Variants in FHDC1 observed in about 807,000 individuals in gnomAD.
The protein encoded by FHDC1 is FH2 domain-containing protein 1.
Under a neutral mutation model 52.6 loss-of-function variants are expected in FHDC1, and 25 were observed. That is an observed-to-expected ratio of 0.48 (90% CI 0.35 to 0.66). FHDC1 has a LOEUF of 0.66. Ranked by LOEUF, FHDC1 falls within the 30% of genes least tolerant of loss-of-function variation. The pLI is 0.01. For missense variants in FHDC1, 1,459 were observed against 1,452.8 expected (o/e 1.00, Z -0.07); for synonymous variants, 616 against 581.5 (o/e 1.06, Z -0.85).
At chr4:152,940,278 G>A (rs77002666) in intron 1 of FHDC1, among the ~76,000 whole-genome samples, 6,011 of 152,340 alleles carry the variant, frequency 0.039, 183 homozygotes, top group Middle Eastern at 0.099. Context: ...GGGGGGCTAG[G>A]ATCCTTGTGT....
intron 1 of FHDC1, among the ~76,000 whole-genome samples, 181 bp downstream of exon 1, chr4:152,936,590 G>A (rs1239904068): frequency 6.6e-6 from 1 of 152,246 alleles, no homozygotes; most frequent in African/African-American, 2.4e-5. Context: ...CGGGAAAGCT[G>A]GAGAGGAGGT....
intron 9 of FHDC1, among the ~76,000 whole-genome samples, chr4:152,966,612 A>AC (rs1379519528): frequency 6.6e-6 from 1 of 152,074 alleles, no homozygotes; most frequent in African/African-American, 2.4e-5. Context: ...GGCACCCGCC[A>AC]CCATGCCCAG....
chr4:152,950,560 C>T (rs1026463188), intron 2 of FHDC1, among the ~76,000 whole-genome samples: 10 of 152,304 alleles, frequency 6.6e-5, no homozygotes, highest in East Asian at 5.8e-4. Flanking sequence ...GCTGTAGAGA[C>T]GCCTGCTTCT....
At chr4:152,962,940 G>GGGGTGT (rs377643778) in intron 7 of FHDC1, 56 bp downstream of exon 7, 26 of 936,380 alleles carry the variant, frequency 2.8e-5, no homozygotes, top group African/African-American at 3.5e-5. Flanking sequence ...TCTATCTAAA[G>GGGGTGT]GTGTGTGTGT....
upstream of FHDC1, among the ~76,000 whole-genome samples, chr4:152,934,616 G>C (rs1739316028): frequency 6.6e-6 from 1 of 152,206 alleles, no homozygotes; most frequent in Non-Finnish European, 1.5e-5. Flanking sequence ...TTTGAAATCA[G>C]AAGGTATTTC....
intron 2 of FHDC1, among the ~76,000 whole-genome samples, 180 bp from the exon 3 acceptor site, chr4:152,953,319 T>A (rs1739982932): frequency 6.6e-6 from 1 of 152,228 alleles, no homozygotes; most frequent in Non-Finnish European, 1.5e-5. Context: ...TTTGGGGAGA[T>A]GATAATCTTT....
intron 2 of FHDC1, among the ~76,000 whole-genome samples, chr4:152,946,058 G>A (rs1327641926): frequency 1.3e-5 from 2 of 152,192 alleles, no homozygotes; most frequent in African/African-American, 4.8e-5. Flanking sequence ...TGTAGCATGT[G>A]TCAGAATTTT....
In FHDC1 at chr4:152,976,024, C is replaced by T. The variant is rs2149963877; in HGVS notation, c.2733C>T (p.Ser911=). 3.2e-6 allele frequency: 5 copies of T among 1,559,652 alleles called. No homozygotes were observed. Among genetic ancestry groups the T allele is most frequent in the Non-Finnish European group, 4.3e-6 (5 of 1,157,172 alleles). Residue 911 remains serine, a synonymous_variant, in exon 12 of 12, where the codon TCC becomes TCT. Transcript: ENST00000511601. The stretch of plus-strand genomic sequence containing the variant: ...GCAAGGTCATGCCCATCACCAAGTC[C>T]AGCAGAGGCGCCGGCTGGAGGCGAC... ...SMRKVMPITK[S]SRGAGWRRPE...
the FHDC1 span, among the ~76,000 whole-genome samples, chr4:152,915,288 C>T: frequency 1.3e-5 from 2 of 152,074 alleles, no homozygotes; most frequent in Non-Finnish European, 2.9e-5. Flanking sequence ...AAGTTTTGTG[C>T]GTTTAGTAGA....
chr4:152,928,391 G>C, the FHDC1 span, among the ~76,000 whole-genome samples: 2 of 152,130 alleles, frequency 1.3e-5, no homozygotes, highest in Non-Finnish European at 2.9e-5. Flanking sequence ...AATCGTGTTT[G>C]GTTTCTCGTT....
At chr4:152,942,899 C>T (rs1739614050) in intron 1 of FHDC1, 29 bp from the exon 2 acceptor site, 3 of 734,132 alleles carry the variant, frequency 4.1e-6, no homozygotes, top group Non-Finnish European at 6.5e-6. Context: ...TTGTCTGTAA[C>T]TGATTTGATA....
In FHDC1 at chr4:152,962,940, G is replaced by GGTGTGTGTGT. The variant is rs34181980; in HGVS notation, c.922-50_922-41dup. 2,036 of 935,764 alleles carry GGTGTGTGTGT rather than the reference G, an allele frequency of 2.2e-3. 5 individuals are homozygous for GGTGTGTGTGT. The highest frequency in any genetic ancestry group is 0.011 in the African/African-American group (649 of 57,126). The allele number at this position is 935,764 out of a possible 1,614,324, so 58.0% of individuals were successfully genotyped here. A position where few individuals can be genotyped will look rare whatever the true frequency, so the allele number is the denominator to read the frequency against. ...ATGTTTTCAACCTTGTCTATCTAAAGGTGTGTGTGTGTGTGTGTGTGTGTG... is the reference window on the plus strand; with the variant it reads ...ATGTTTTCAACCTTGTCTATCTAAAGGTGTGTGTGTGTGTGTGTGTGTGTGTGTGTGTGTG... On this transcript the variant is annotated intron_variant, in intron 7 of 11. Coordinates refer to ENST00000511601, the MANE Select transcript of FHDC1 (RefSeq NM_001371116.1).
chr4:152,949,124 T>TAATAATAAG (rs1347590282), intron 2 of FHDC1, among the ~76,000 whole-genome samples: 1,028 of 74,634 alleles, frequency 0.014, 6 homozygotes, highest in Non-Finnish European at 0.016. Context: ...ATAATAATAA[T>TAATAATAAG]AAGAAGAAGA....
intron 10 of FHDC1, among the ~76,000 whole-genome samples, chr4:152,970,015 T>C (rs184111155): frequency 6.6e-6 from 1 of 152,342 alleles, no homozygotes; most frequent in Non-Finnish European, 1.5e-5. Flanking sequence ...ATACTTTTCT[T>C]TCTTAAATTC....
At chr4:152,932,811 G>A (rs757174521), upstream of FHDC1, among the ~76,000 whole-genome samples, 25 of 152,294 alleles carry the variant, frequency 1.6e-4, no homozygotes, top group Non-Finnish European at 3.1e-4. Context: ...TCTGAAATTT[G>A]ATTCATTTTG....
In FHDC1 at chr4:152,976,509, G is replaced by A. The variant is rs1035102917; in HGVS notation, c.3218G>A (p.Gly1073Glu). 6.2e-7 allele frequency: 1 copy of A among 1,613,346 alleles called. No individual in the cohort carries two copies. The highest frequency in any genetic ancestry group is 8.5e-7 in the Non-Finnish European group (1 of 1,179,996). Reference protein sequence around the residue: ...TVSQRQLRVKGDPEDAAPKDS... With the variant: ...TVSQRQLRVKEDPEDAAPKDS... ...TCGCAGCGGCAGCTGAGGGTGAAAGGGGACCCCGAGGATGCCGCTCCCAAG... is the reference window on the plus strand; with the variant it reads ...TCGCAGCGGCAGCTGAGGGTGAAAGAGGACCCCGAGGATGCCGCTCCCAAG... Residue 1073 changes from glycine (G) to glutamate (E), a missense_variant, in exon 12 of 12, where the codon GGG becomes GAG. Gly to Glu is a moderately conservative substitution (Grantham distance 98). This residue lies in a region of FHDC1 where 939 missense variants were observed against 854.5 expected (regional missense o/e 1.10). Transcript: ENST00000511601.
In FHDC1 at chr4:152,943,300, A is replaced by G. The variant is rs547266198; in HGVS notation, c.243A>G (p.Pro81=). The G allele has an allele frequency of 4.1e-6, 2 of 486,542 alleles. No individual in the cohort carries two copies. The highest frequency in any genetic ancestry group is 5.8e-6 in the Non-Finnish European group (2 of 342,186). 30.1% of individuals were successfully genotyped at this position (486,542 alleles called of 1,614,324 possible). The change falls in exon 2 of 12, where the codon CCA becomes CCG. Residue 81 remains proline (P), a synonymous_variant. Transcript: ENST00000511601. ...CACCTCCCCCACCAGGCCTACCCCC[A>G]ACTACTCACATGAACGGCTACAGCC... ...PIPPPPPGLP[P]TTHMNGYSHL...
intron 2 of FHDC1, among the ~76,000 whole-genome samples, chr4:152,945,273 C>T (rs1027296871): frequency 4.6e-5 from 7 of 152,168 alleles, no homozygotes; most frequent in Non-Finnish European, 7.3e-5. Flanking sequence ...CATTTCTAAA[C>T]CAGATCTGAA....
the FHDC1 span, among the ~76,000 whole-genome samples, chr4:152,920,891 A>T: frequency 6.6e-6 from 1 of 151,936 alleles, no homozygotes; most frequent in African/African-American, 2.4e-5. Context: ...ACCATTATAA[A>T]TAATTTCCCT....
Sources: gnomAD v4.1 joint callset for allele counts (sites outside exome capture counted in the v4.1 genomes callset) on GRCh38, gnomAD v4.1.1 for gene constraint, gnomAD v4.1.1 regional missense constraint, MANE v1.5 for transcripts, NCBI Gene and HGNC (gene_info 2026-07-23, HGNC 2026-07-21) for gene names.